Variants in PCSK2 observed in about 807,000 individuals in gnomAD.
PCSK2 encodes the protein neuroendocrine convertase 2.
In PCSK2, 14 loss-of-function variants were observed where a neutral mutation model predicts 69.7. That is an observed-to-expected ratio of 0.20 (90% CI 0.13 to 0.31). The LOEUF is 0.31. PCSK2 is among the 10% of genes least tolerant of loss of function. The pLI, the probability that PCSK2 is intolerant of heterozygous loss-of-function variation, is 1.00. For missense variants in PCSK2, 544 were observed against 842.5 expected, an observed-to-expected ratio of 0.65 and a Z score of 4.39; for synonymous variants, 307 against 320.7, an observed-to-expected ratio of 0.96 and a Z score of 0.46.
chr20:17,367,723 C>T (rs1321663689), intron 4 of PCSK2, among the ~76,000 whole-genome samples: 4 of 152,186 alleles, frequency 2.6e-5, no homozygotes, highest in Non-Finnish European at 5.9e-5. Flanking sequence ...GTCTTGAACT[C>T]TTGGCCTCAA....
chr20:17,227,499 A>G lies in PCSK2; in HGVS notation c.177+17A>G. 6.2e-7 allele frequency: 1 copy of G among 1,602,890 alleles called. No individual in the cohort carries two copies. Among genetic ancestry groups the G allele is most frequent in the Non-Finnish European group, 8.5e-7 (1 of 1,170,974 alleles). On this transcript the variant is annotated intron_variant, in intron 1 of 11. Transcript: ENST00000262545. ...GTCCGAAAGGTAAGCTCTCCCATGC[A>G]TTTCGCATGTTGTTTCAAAACGGGG...
chr20:17,303,495 A>T (rs1432887991), intron 2 of PCSK2, among the ~76,000 whole-genome samples: 2 of 62,822 alleles, frequency 3.2e-5, no homozygotes, highest in East Asian at 2.6e-4. Context: ...TATTATATTT[A>T]ATATAATATA....
chr20:17,473,507 T>G (rs537342658), intron 11 of PCSK2, among the ~76,000 whole-genome samples: 2 of 152,340 alleles, frequency 1.3e-5, no homozygotes, highest in South Asian at 4.1e-4. Context: ...AGAGCCTCTT[T>G]TTGTTCCACC....
At chr20:17,231,493 A>T (rs1343146904) in intron 1 of PCSK2, among the ~76,000 whole-genome samples, 1 of 152,194 alleles carries the variant, frequency 6.6e-6, no homozygotes, top group Non-Finnish European at 1.5e-5. Flanking sequence ...TTATAAATAT[A>T]GCTTTTGTGG....
At position 17,458,531 on chromosome 20, in the gene PCSK2, T is replaced by C. The variant is rs75049977; in HGVS notation, c.1202+2083T>C. 2.2e-3 allele frequency among the ~76,000 whole-genome samples: 341 copies of C among 152,224 alleles called. 2 individuals carry two copies. The highest frequency in any genetic ancestry group is 7.8e-3 in the African/African-American group (324 of 41,526). On this transcript the variant is annotated intron_variant, in intron 10 of 11. Coordinates refer to ENST00000262545, the MANE Select transcript of PCSK2 (RefSeq NM_002594.5). ...CTCCAATAGCCAAAAGTGAAAACCA[T>C]TGGTCAGGATGAGATACTCCAAATG...
At chr20:17,351,643 T>A (rs529907525) in intron 2 of PCSK2, among the ~76,000 whole-genome samples, 1 of 147,174 alleles carries the variant, frequency 6.8e-6, no homozygotes, top group African/African-American at 2.4e-5. Context: ...ATAAAATCCA[T>A]CATGCCTTCA....
At chr20:17,479,756 C>T (rs1433104694) in intron 11 of PCSK2, among the ~76,000 whole-genome samples, 1 of 145,728 alleles carries the variant, frequency 6.9e-6, no homozygotes, top group Non-Finnish European at 1.5e-5. Context: ...GAGATGGCGC[C>T]ACTGCACTCC....
intron 4 of PCSK2, among the ~76,000 whole-genome samples, chr20:17,363,027 C>T (rs1472475239): frequency 6.6e-6 from 1 of 152,218 alleles, no homozygotes; most frequent in Non-Finnish European, 1.5e-5. Flanking sequence ...GGTATGGTGC[C>T]ATGTCCCAGA....
At chr20:17,353,227 C>T (rs555481255) in intron 2 of PCSK2, among the ~76,000 whole-genome samples, 6 of 126,470 alleles carry the variant, frequency 4.7e-5, no homozygotes, top group Admixed American at 1.7e-4. Flanking sequence ...CTTTGGGAGG[C>T]CAAGGCGGGC....
At chr20:17,462,192 C>T (rs1475583176) in intron 10 of PCSK2, among the ~76,000 whole-genome samples, 1 of 152,016 alleles carries the variant, frequency 6.6e-6, no homozygotes, top group African/African-American at 2.4e-5. Flanking sequence ...GGAAGCTCTC[C>T]CCTGAACGAG....
intron 10 of PCSK2, among the ~76,000 whole-genome samples, chr20:17,460,981 C>T (rs1383440546): frequency 6.6e-6 from 1 of 151,838 alleles, no homozygotes; most frequent in Non-Finnish European, 1.5e-5. Context: ...GTAACTTATC[C>T]GAGTTCACAC....
At chr20:17,410,438 A>AC (rs1412014110) in intron 6 of PCSK2, among the ~76,000 whole-genome samples, 1 of 152,132 alleles carries the variant, frequency 6.6e-6, no homozygotes, top group Non-Finnish European at 1.5e-5. Context: ...TTGACCTGAG[A>AC]CCCCTCAGTC....
At chr20:17,403,454 A>C (rs2031687530) in intron 5 of PCSK2, among the ~76,000 whole-genome samples, 1 of 152,238 alleles carries the variant, frequency 6.6e-6, no homozygotes, top group African/African-American at 2.4e-5. Context: ...AAGTAGGCGC[A>C]ATAGCAAAAT....
intron 2 of PCSK2, among the ~76,000 whole-genome samples, chr20:17,316,542 C>T (rs1386561517): frequency 6.6e-6 from 1 of 152,178 alleles, no homozygotes; most frequent in African/African-American, 2.4e-5. Context: ...ACTACTTGCT[C>T]TCAAATCCCA....
chr20:17,333,632 C>T (rs58384389), intron 2 of PCSK2, among the ~76,000 whole-genome samples: 12,420 of 151,842 alleles, frequency 0.082, 585 homozygotes, highest in African/African-American at 0.12. Flanking sequence ...TATTATTGCT[C>T]ATTTGTTAGT....
intron 1 of PCSK2, among the ~76,000 whole-genome samples, chr20:17,228,456 G>A (rs1194323047): frequency 6.6e-6 from 1 of 152,104 alleles, no homozygotes; most frequent in African/African-American, 2.4e-5. Context: ...GTGTCCTTAG[G>A]GGACCTGGCG....
intron 4 of PCSK2, among the ~76,000 whole-genome samples, chr20:17,363,044 C>T (rs1273261218): frequency 6.6e-6 from 1 of 152,234 alleles, no homozygotes; most frequent in Admixed American, 6.5e-5. Context: ...CAGACATTTT[C>T]TTGGCAAGAT....
intron 8 of PCSK2, among the ~76,000 whole-genome samples, chr20:17,452,091 G>A (rs2032835043): frequency 6.6e-6 from 1 of 151,888 alleles, no homozygotes; most frequent in Non-Finnish European, 1.5e-5. Flanking sequence ...TGTTGGCCAG[G>A]CTGGTCTCGA....
At chr20:17,370,638 C>A (rs146038437) in intron 5 of PCSK2, among the ~76,000 whole-genome samples, 1 of 152,150 alleles carries the variant, frequency 6.6e-6, no homozygotes, top group African/African-American at 2.4e-5. Context: ...AGGAAACAGC[C>A]CTTCTCCCTG....
Sources: allele counts gnomAD v4.1 joint callset (sites outside exome capture counted in the v4.1 genomes callset), GRCh38; gene constraint gnomAD v4.1.1; transcripts MANE v1.5; gene names NCBI Gene and HGNC (gene_info 2026-07-23, HGNC 2026-07-21).